Variants in FRMPD3 observed in about 807,000 individuals in gnomAD.
FRMPD3 encodes FERM and PDZ domain containing 3.
FRMPD3 carries 42 observed loss-of-function variants against 97.9 expected under a neutral mutation model. The observed-to-expected ratio is 0.43, with a 90% confidence interval of 0.34 to 0.55. The LOEUF is 0.55. Ranked by LOEUF, FRMPD3 falls within the 20% of genes least tolerant of loss-of-function variation. The pLI, the probability that FRMPD3 is intolerant of heterozygous loss-of-function variation, is 0.03. For synonymous variants in FRMPD3, 577 were observed against 581.1 expected (o/e 0.99, Z 0.10); for missense variants, 1,303 against 1,457.7 (o/e 0.89, Z 1.73).
chrX:107,579,575 G>A lies in FRMPD3; in HGVS notation c.1441+3116G>A, dbSNP rs751165173. ...TGATTAAAAGGATAAGGCTAATAAC[G>A]TAAGTACTTTTGCATTTATATATAA... On this transcript the variant is annotated intron_variant, in intron 13 of 14. Coordinates refer to ENST00000683843, the MANE Select transcript of FRMPD3 (RefSeq NM_001388459.1). Among the ~76,000 whole-genome samples the A allele has an allele frequency of 2.9e-4, 32 of 112,060 alleles. 1 individual carries two copies. In the South Asian group the frequency reaches 4.5e-3, roughly 16 times the overall value.
intron 8 of FRMPD3, among the ~76,000 whole-genome samples, chrX:107,556,043 A>T (rs1432416678): frequency 9.0e-6 from 1 of 111,710 alleles, no homozygotes; most frequent in Non-Finnish European, 1.9e-5. Context: ...TAGGGTAAAG[A>T]TGAGTTCATT....
chrX:107,463,974 T>C (rs1931517997), intron 1 of FRMPD3, among the ~76,000 whole-genome samples: 1 of 112,081 alleles, frequency 8.9e-6, no homozygotes, highest in Admixed American at 9.5e-5. Flanking sequence ...CCACCTCTAA[T>C]CTAATCTTGC....
Position 107,603,523 on chromosome X carries a change from A to G in FRMPD3, c.*150A>G. On this transcript the variant is annotated 3_prime_UTR_variant, in exon 15 of 15. Transcript: ENST00000683843. ...TCTCCGGGGAGTGGAAACTCTCTTG[A>G]TTGAGGCTCTCTCTTAAGGGCTGCA... 3.8e-6 allele frequency: 4 copies of G among 1,051,466 alleles called. No homozygotes were observed. In the South Asian group the frequency reaches 1.0e-4, roughly 27 times the overall value. 86.7% of individuals were successfully genotyped at this position (1,051,466 alleles called of 1,213,427 possible).
chrX:107,500,605 C>T (rs1279936874), intron 1 of FRMPD3, among the ~76,000 whole-genome samples: 1 of 111,215 alleles, frequency 9.0e-6, no homozygotes, highest in African/African-American at 3.3e-5. Flanking sequence ...ACCAGGCTGG[C>T]CAACATGGTG....
At chrX:107,503,889 G>T (rs769322306) in intron 1 of FRMPD3, among the ~76,000 whole-genome samples, 1 of 112,005 alleles carries the variant, frequency 8.9e-6, no homozygotes, top group Non-Finnish European at 1.9e-5. Flanking sequence ...TATTTGATAC[G>T]CCCACATCCA....
At chrX:107,506,719 C>T (rs756527916) in intron 1 of FRMPD3, among the ~76,000 whole-genome samples, 2 of 111,968 alleles carry the variant, frequency 1.8e-5, no homozygotes, top group African/African-American at 6.5e-5. Flanking sequence ...GGGCGGCGGC[C>T]GGATTGCGGG....
At position 107,501,822 on chromosome X, in the gene FRMPD3, A is replaced by G. The variant is rs1032816560; in HGVS notation, c.-7-24760A>G. 3.7e-5 allele frequency among the ~76,000 whole-genome samples: 4 copies of G among 109,076 alleles called. No individual in the cohort carries two copies. The Admixed American group carries it at 3.9e-4, about 11-fold the overall frequency. The allele number at this position is 109,076 out of a possible 115,157, so 94.7% of individuals were successfully genotyped here. ...TTCTAGGCCAGCTTGGACATCACAC[A>G]GTAGCTATCCATGCAAAAAAGCCTT... is the stretch of plus-strand genomic sequence containing the variant. On this transcript the variant is annotated intron_variant, in intron 1 of 14. Transcript: ENST00000683843.
chrX:107,575,883 A>C (rs186619890), intron 12 of FRMPD3, among the ~76,000 whole-genome samples: 1 of 111,795 alleles, frequency 8.9e-6, no homozygotes, highest in East Asian at 2.8e-4. Flanking sequence ...TGTGAAGATG[A>C]GCAAGACATA....
At position 107,493,610 on chromosome X, in the gene FRMPD3, A is replaced by G. The variant is rs140464825; in HGVS notation, c.-7-32972A>G. ...TTAGGCCTTTAAGCTATTGTGCCAAACATCAAAATAACGTTAGCTATTTTT... is the reference window on the plus strand; with the variant it reads ...TTAGGCCTTTAAGCTATTGTGCCAAGCATCAAAATAACGTTAGCTATTTTT... On this transcript the variant is annotated intron_variant, in intron 1 of 14. Coordinates refer to ENST00000683843, the MANE Select transcript of FRMPD3 (RefSeq NM_001388459.1). Among the ~76,000 whole-genome samples the G allele has an allele frequency of 9.0e-3, 1,016 of 112,344 alleles. 10 individuals are homozygous for G. Among genetic ancestry groups the G allele is most frequent in the African/African-American group, 0.031 (964 of 30,909 alleles).
intron 11 of FRMPD3, 93 bp from the exon 12 acceptor site, chrX:107,564,794 C>T: frequency 1.1e-6 from 1 of 919,100 alleles, no homozygotes; most frequent in Admixed American, 2.3e-5. Context: ...CCAGAGAGTC[C>T]AATGCATGTT....
chrX:107,486,799 A>G (rs1282794736), intron 1 of FRMPD3, among the ~76,000 whole-genome samples: 1 of 112,074 alleles, frequency 8.9e-6, no homozygotes, highest in Non-Finnish European at 1.9e-5. Context: ...GTGTTTTGAC[A>G]GAGATTTCCT....
chrX:107,478,008 C>A (rs1180473869), intron 1 of FRMPD3, among the ~76,000 whole-genome samples: 1 of 111,552 alleles, frequency 9.0e-6, no homozygotes, highest in African/African-American at 3.3e-5. Flanking sequence ...CAGGAAGCCT[C>A]CTCTGGCTAT....
chrX:107,590,714 G>A (rs1256394959), intron 13 of FRMPD3, among the ~76,000 whole-genome samples: 1 of 112,832 alleles, frequency 8.9e-6, no homozygotes. Flanking sequence ...CTTTTTATAT[G>A]TTGCTGGATT....
intron 3 of FRMPD3, among the ~76,000 whole-genome samples, chrX:107,532,494 G>A (rs1338951255): frequency 1.8e-5 from 2 of 112,625 alleles, no homozygotes; most frequent in African/African-American, 6.4e-5. Flanking sequence ...GACATGGCAA[G>A]GGGCTGGAGG....
chrX:107,493,086 G>T (rs758327464), intron 1 of FRMPD3, among the ~76,000 whole-genome samples: 1 of 106,836 alleles, frequency 9.4e-6, no homozygotes, highest in Non-Finnish European at 1.9e-5. Context: ...AGGCTGAGGC[G>T]GGAGGATTGC....
intron 2 of FRMPD3, 113 bp from the exon 3 acceptor site, chrX:107,530,296 A>G: frequency 5.6e-6 from 3 of 535,805 alleles, no homozygotes; most frequent in Non-Finnish European, 9.6e-6. Flanking sequence ...AGCCTGCACC[A>G]TCTCCAGGCC....
chrX:107,517,131 G>A (rs1232291954), intron 1 of FRMPD3, among the ~76,000 whole-genome samples: 2 of 111,887 alleles, frequency 1.8e-5, no homozygotes, highest in Admixed American at 9.5e-5. Flanking sequence ...TATTAAATAG[G>A]GAATCCTTTC....
intron 1 of FRMPD3, 105 bp from the exon 2 acceptor site, chrX:107,526,477 C>A: frequency 1.4e-6 from 1 of 697,449 alleles, no homozygotes; most frequent in Admixed American, 3.3e-5. Context: ...AAGCTGTAAA[C>A]TCCTGGGTGC....
intron 7 of FRMPD3, 31 bp from the exon 8 acceptor site, chrX:107,554,354 T>A: frequency 1.7e-6 from 2 of 1,195,919 alleles, no homozygotes; most frequent in South Asian, 1.8e-5. Context: ...CCAGATCTCT[T>A]TTCTTCTCCC....
Sources: gnomAD v4.1 joint callset for allele counts (sites outside exome capture counted in the v4.1 genomes callset) on GRCh38, gnomAD v4.1.1 for gene constraint, MANE v1.5 for transcripts, NCBI Gene and HGNC (gene_info 2026-07-23, HGNC 2026-07-21) for gene names.